The following ZNF260 variants were observed in gnomAD, a reference collection of about 807,000 sequenced individuals.
ZNF260 encodes the protein zfp-260.
In ZNF260, 21 loss-of-function variants were observed where a neutral mutation model predicts 29.3. The observed-to-expected ratio is 0.72, with a 90% CI of 0.51 to 1.03. The LOEUF is 1.03. ZNF260 is among the 50% of genes least tolerant of loss of function. The probability of loss-of-function intolerance (pLI) is 0.00; values close to 1 mark genes in which losing one functional copy is unlikely to be tolerated. For missense variants in ZNF260, 465 were observed against 487.8 expected, an observed-to-expected ratio of 0.95 and a Z score of 0.44; for synonymous variants, 156 against 156.8, an observed-to-expected ratio of 0.99 and a Z score of 0.04.
At chr19:36,520,281 C>A (rs191556101) in intron 2 of ZNF260, among the ~76,000 whole-genome samples, 1 of 149,096 alleles carries the variant, frequency 6.7e-6, no homozygotes, top group East Asian at 2.0e-4. Context: ...TAATGTATTA[C>A]AAACAGAAAA....
intron 1 of ZNF260, among the ~76,000 whole-genome samples, chr19:36,526,593 T>A (rs1172721493): frequency 6.6e-6 from 1 of 152,028 alleles, no homozygotes; most frequent in Non-Finnish European, 1.5e-5. Context: ...CCTATGCACA[T>A]CCTCCCATAT....
intron 2 of ZNF260, among the ~76,000 whole-genome samples, chr19:36,518,726 A>G (rs2034593165): frequency 6.6e-6 from 1 of 152,204 alleles, no homozygotes; most frequent in Non-Finnish European, 1.5e-5. Flanking sequence ...ACAAATCATG[A>G]GTCCACATAC....
Position 36,513,919 on chromosome 19 carries a change from T to C in ZNF260, c.*81A>G. 3 of 1,438,678 alleles carry C rather than the reference T, an allele frequency of 2.1e-6. No individual in the cohort carries two copies. The highest frequency in any genetic ancestry group is 1.4e-5 in the South Asian group (1 of 73,834). The allele number at this position is 1,438,678 out of a possible 1,614,324, so 89.1% of individuals were successfully genotyped here. A position where few individuals can be genotyped will look rare whatever the true frequency, so the allele number is the denominator to read the frequency against. ...ACTTCCCACATTCATGTCACTTTAATGTAAAATGAATTTTCCAATACACTA... is the reference window on the plus strand; with the variant it reads ...ACTTCCCACATTCATGTCACTTTAACGTAAAATGAATTTTCCAATACACTA... On this transcript the variant is annotated 3_prime_UTR_variant, in exon 3 of 3. Transcript: ENST00000523638.
At chr19:36,525,607 T>G (rs778759121) in intron 1 of ZNF260, among the ~76,000 whole-genome samples, 24 of 151,982 alleles carry the variant, frequency 1.6e-4, no homozygotes, top group Non-Finnish European at 2.6e-4. Flanking sequence ...GCCAACATGG[T>G]GAAACCCTGT....
chr19:36,521,386 C>G (rs1052401265), intron 2 of ZNF260, among the ~76,000 whole-genome samples: 2 of 152,198 alleles, frequency 1.3e-5, no homozygotes, highest in African/African-American at 4.8e-5. Flanking sequence ...AATGACAATG[C>G]TGAACTGAAC....
chr19:36,515,935 G>A (rs1049516183), intron 2 of ZNF260, among the ~76,000 whole-genome samples: 5 of 151,738 alleles, frequency 3.3e-5, no homozygotes, highest in Non-Finnish European at 5.9e-5. Flanking sequence ...GCAATGGCGC[G>A]ATTTTGGCTC....
rs1352657454 is a variant in ZNF260, at chr19:36,514,226, C to T, written c.1013G>A (p.Gly338Glu). 4.3e-6 allele frequency: 7 copies of T among 1,613,958 alleles called. No homozygotes were observed. Among genetic ancestry groups the T allele is most frequent in the Non-Finnish European group, 5.9e-6 (7 of 1,179,996 alleles). Residue 338 changes from glycine to glutamate, a missense_variant, in exon 3 of 3, where the codon GGG (glycine) becomes GAG (glutamate). By Grantham distance (98) the Gly-to-Glu change is moderately conservative. Transcript: ENST00000523638. The part of the protein sequence containing the change: ...GDKPYECKVC[G>E]KAFCQSSSLT... ...AGATGAGCTTTGACAGAAGGCTTTC[C>T]CACAGACCTTACACTCATAAGGCTT...
chr19:36,512,919 T>C lies in ZNF260; in HGVS notation c.*1081A>G, dbSNP rs2034475496. On this transcript the variant is annotated 3_prime_UTR_variant, in exon 3 of 3. Coordinates refer to ENST00000523638, the MANE Select transcript of ZNF260 (RefSeq NM_001166037.2). Reference sequence around the variant, plus strand: ...TGTTTCTTGGGTAGATGCATATATATAGTAGTTCCCCCTTATCCACAGCTT... The same window carrying C: ...TGTTTCTTGGGTAGATGCATATATACAGTAGTTCCCCCTTATCCACAGCTT... The C allele has an allele frequency of 6.6e-6, 1 of 152,198 alleles. No homozygotes were observed. The highest frequency in any genetic ancestry group is 2.1e-4 in the South Asian group (1 of 4,830). The allele number at this position is 152,198 out of a possible 1,614,324, so 9.4% of individuals were successfully genotyped here.
At position 36,512,793 on chromosome 19, in the gene ZNF260, A is replaced by G. The variant is rs563179220; in HGVS notation, c.*1207T>C. The stretch of plus-strand genomic sequence containing the variant: ...TGTTACTATCACATTTTATTCATCT[A>G]TTTCACAAGAGACAGCATTTGTTTC... On this transcript the variant is annotated 3_prime_UTR_variant, in exon 3 of 3. Coordinates refer to ENST00000523638, the MANE Select transcript of ZNF260 (RefSeq NM_001166037.2). The G allele has an allele frequency of 3.3e-5, 5 of 152,138 alleles. No individual in the cohort carries two copies. Among genetic ancestry groups the G allele is most frequent in the Non-Finnish European group, 5.9e-5 (4 of 68,012 alleles). The allele number at this position is 152,138 out of a possible 1,614,324, so 9.4% of individuals were successfully genotyped here.
In ZNF260 at chr19:36,514,716, G is replaced by C. The variant is rs746448044; in HGVS notation, c.523C>G (p.Gln175Glu). The change falls in exon 3 of 3, where the codon CAG (glutamine) becomes GAG (glutamate). Residue 175 changes from glutamine (Q) to glutamate (E), a missense_variant. Physicochemically the swap from Gln to Glu is conservative, Grantham distance 29. Coordinates refer to ENST00000523638, the MANE Select transcript of ZNF260 (RefSeq NM_001166037.2). ...TGATGTTTAATGAGGTATTGCTTCT[G>C]GCTGAAGGCTCTTCCACACTGATTA... ...ECNQCGRAFS[Q>E]KQYLIKHQNI... The C allele has an allele frequency of 6.2e-7, 1 of 1,613,742 alleles. No individual in the cohort carries two copies. The highest frequency in any genetic ancestry group is 8.5e-7 in the Non-Finnish European group (1 of 1,180,008).
chr19:36,527,559 G>A (rs1600220185), intron 1 of ZNF260, among the ~76,000 whole-genome samples: 1 of 152,242 alleles, frequency 6.6e-6, no homozygotes, highest in East Asian at 1.9e-4. Context: ...TGACCTCTGC[G>A]CTAAAGGCAG....
At chr19:36,518,857 C>T (rs2034594779) in intron 2 of ZNF260, among the ~76,000 whole-genome samples, 1 of 152,122 alleles carries the variant, frequency 6.6e-6, no homozygotes, top group African/African-American at 2.4e-5. Flanking sequence ...GCCTGTGCAA[C>T]ACAGTGTGAT....
intron 2 of ZNF260, among the ~76,000 whole-genome samples, chr19:36,518,306 T>C (rs2145746563): frequency 6.6e-6 from 1 of 152,252 alleles, no homozygotes; most frequent in South Asian, 2.1e-4. Context: ...AGAAAACATT[T>C]GATGAAAGTC....
chr19:36,515,381 G>A lies in ZNF260; in HGVS notation c.-143C>T, dbSNP rs2034532997. On this transcript the variant is annotated 5_prime_UTR_variant, in exon 3 of 3. Transcript: ENST00000523638. ...TAATGAAGTTAAATTTATGATGGAAGACTTTTCTCACATTGATTACCCTGA... is the reference window on the plus strand; with the variant it reads ...TAATGAAGTTAAATTTATGATGGAAAACTTTTCTCACATTGATTACCCTGA... 2 of 845,132 alleles carry A rather than the reference G, an allele frequency of 2.4e-6. No homozygotes were observed. The highest frequency in any genetic ancestry group is 6.7e-5 in the Admixed American group (2 of 30,010). The allele number at this position is 845,132 out of a possible 1,614,324, so 52.4% of individuals were successfully genotyped here. A position where few individuals can be genotyped will look rare whatever the true frequency, so the allele number is the denominator to read the frequency against.
intron 2 of ZNF260, among the ~76,000 whole-genome samples, chr19:36,524,534 T>TTTTTTTTTTTTTTTTTTTTTTTTTG (rs1555779912): frequency 1.6e-5 from 2 of 126,048 alleles, no homozygotes; most frequent in Non-Finnish European, 1.8e-5. Flanking sequence ...TTTTTTTTTT[T>TTTTTTTTTTTTTTTTTTTTTTTTTG]ATTGATCATT....
In ZNF260 at chr19:36,510,816, C is replaced by T. The variant is rs2034439413; in HGVS notation, c.*3184G>A. On this transcript the variant is annotated 3_prime_UTR_variant, in exon 3 of 3. Transcript: ENST00000523638. ...TAGAGAATATTATGTTGCAATTGCT[C>T]ATCTTACTCTGACCATCATAATCAT... 1 of 152,082 alleles carries T rather than the reference C, an allele frequency of 6.6e-6. No homozygotes were observed. Among genetic ancestry groups the T allele is most frequent in the Non-Finnish European group, 1.5e-5 (1 of 68,034 alleles). 9.4% of individuals were successfully genotyped at this position (152,082 alleles called of 1,614,324 possible). A position where few individuals can be genotyped will look rare whatever the true frequency, so the allele number is the denominator to read the frequency against.
intron 2 of ZNF260, among the ~76,000 whole-genome samples, chr19:36,517,816 T>A (rs1398323801): frequency 1.3e-5 from 2 of 151,972 alleles, no homozygotes; most frequent in African/African-American, 4.8e-5. Flanking sequence ...GATGGAAGAA[T>A]TATTTTCTTT....
At position 36,514,632 on chromosome 19, in the gene ZNF260, G is replaced by A; in HGVS notation, c.607C>T (p.Gln203Ter). The change falls in exon 3 of 3, where the codon CAG becomes TAG. Residue 203 changes from glutamine (Q) to a stop codon, truncating the protein, a stop_gained. Coordinates refer to ENST00000523638, the MANE Select transcript of ZNF260 (RefSeq NM_001166037.2). LOFTEE classifies it high-confidence loss of function. ...KCSECGKAFS[Q>*]KENLIIHQRI... ...TGATGTATAATGAGGTTTTCCTTCT[G>A]GCTAAAAGCTTTTCCACACTCACTA... 2 of 1,613,970 alleles carry A rather than the reference G, an allele frequency of 1.2e-6. No homozygotes were observed. The highest frequency in any genetic ancestry group is 8.5e-7 in the Non-Finnish European group (1 of 1,179,984).
intron 2 of ZNF260, among the ~76,000 whole-genome samples, chr19:36,518,844 C>A (rs903469028): frequency 1.3e-5 from 2 of 152,078 alleles, no homozygotes; most frequent in African/African-American, 4.8e-5. Context: ...TAGTTTGAGA[C>A]CGGCCTGTGC....
Sources: gnomAD v4.1 joint callset for allele counts (sites outside exome capture counted in the v4.1 genomes callset) on GRCh38, gnomAD v4.1.1 for gene constraint, MANE v1.5 for transcripts, NCBI Gene and HGNC (gene_info 2026-07-23, HGNC 2026-07-21) for gene names.